SLC19A3: variants seen among roughly 807,000 people sequenced by gnomAD.
The protein encoded by SLC19A3 is solute carrier family 19 member 3, also known as thiamine transporter 2.
In SLC19A3, 31 loss-of-function variants were observed where a neutral mutation model predicts 40.2. That is an observed-to-expected ratio of 0.77 (90% CI 0.58 to 1.04). The LOEUF is 1.04. Among genes scored for constraint, SLC19A3 ranks in the 50% least tolerant of loss-of-function variants. SLC19A3 has a pLI of 0.00. For synonymous variants in SLC19A3, 212 were observed against 227.5 expected (o/e 0.93, Z 0.61); for missense variants, 592 against 596.7 (o/e 0.99, Z 0.08).
At chr2:227,716,330 A>C (rs1696335015) in intron 1 of SLC19A3, among the ~76,000 whole-genome samples, 1 of 152,020 alleles carries the variant, frequency 6.6e-6, no homozygotes, top group African/African-American at 2.4e-5. Flanking sequence ...TTCTTCTTTG[A>C]TCTGGCTACT....
chr2:227,687,342 C>A lies in SLC19A3; in HGVS notation c.*55G>T. On this transcript the variant is annotated 3_prime_UTR_variant, in exon 6 of 6. Coordinates refer to ENST00000644224, the MANE Select transcript of SLC19A3 (RefSeq NM_025243.4). The stretch of plus-strand genomic sequence containing the variant: ...AAACATATGCCACCCATCTCAAAAT[C>A]TTTCCTTATTATTGCATAACTTTGA... 1 of 1,536,474 alleles carries A rather than the reference C, an allele frequency of 6.5e-7. No individual in the cohort carries two copies. The highest frequency in any genetic ancestry group is 1.2e-5 in the South Asian group (1 of 81,346).
chr2:227,687,504 AG>A lies in SLC19A3; in HGVS notation c.1383del (p.Tyr462ThrfsTer51), dbSNP rs1239156852. 1 of 1,613,998 alleles carries A rather than the reference AG, an allele frequency of 6.2e-7. No homozygotes were observed. ...GIFLMRSMYI[T>X]YSTKSQKDVQ... ...ACATCCTTCTGGGATTTGGTTGAGT[AG>A]GTAATATACATGCTTCTCATTAGGA... On this transcript the variant is annotated frameshift_variant, in exon 6 of 6. Transcript: ENST00000644224. LOFTEE classifies it low-confidence loss of function (END_TRUNC).
In SLC19A3 at chr2:227,686,261, A is replaced by G. The variant is rs1403943656; in HGVS notation, c.*1136T>C. On this transcript the variant is annotated 3_prime_UTR_variant, in exon 6 of 6. Coordinates refer to ENST00000644224, the MANE Select transcript of SLC19A3 (RefSeq NM_025243.4). ...CCCCCATCAGTGTTTTCTTATTTCT[A>G]ATACTTCTAGAAACCTCCTTTAAGT... 1 of 346,554 alleles carries G rather than the reference A, an allele frequency of 2.9e-6. No homozygotes were observed. Among genetic ancestry groups the G allele is most frequent in the African/African-American group, 2.2e-5 (1 of 45,870 alleles). The allele number at this position is 346,554 out of a possible 1,614,324, so 21.5% of individuals were successfully genotyped here.
chr2:227,696,081 C>G lies in SLC19A3; in HGVS notation c.980G>C (p.Gly327Ala). 1 of 1,502,426 alleles carries G rather than the reference C, an allele frequency of 6.7e-7. No homozygotes were observed. The allele number at this position is 1,502,426 out of a possible 1,614,324, so 93.1% of individuals were successfully genotyped here. A position where few individuals can be genotyped will look rare whatever the true frequency, so the allele number is the denominator to read the frequency against. ...ACCCACTGCAAAGGCAGCCACAGCC[C>G]CTGAAAAAAAACATTGAAGGCAATC... The part of the protein sequence containing the change: ...GAVEAIATFG[G>A]AVAAFAVGYV... The change falls in exon 4 of 6, where the codon GGG (glycine) becomes GCG (alanine). Residue 327 changes from glycine to alanine, a missense_variant and splice_region_variant. By Grantham distance (60) the Gly-to-Ala change is moderately conservative. Transcript: ENST00000644224.
intron 3 of SLC19A3, among the ~76,000 whole-genome samples, chr2:227,698,021 G>A (rs975555208): frequency 2.0e-5 from 3 of 152,122 alleles, no homozygotes; most frequent in African/African-American, 7.2e-5. Context: ...AGAGGTTGCA[G>A]TGAGCTGAGA....
intron 4 of SLC19A3, among the ~76,000 whole-genome samples, chr2:227,690,489 T>G (rs1004330898): frequency 6.6e-6 from 1 of 151,762 alleles, no homozygotes; most frequent in East Asian, 1.9e-4. Flanking sequence ...GGGCAGATCA[T>G]GAGGTCAGGA....
intron 4 of SLC19A3, among the ~76,000 whole-genome samples, chr2:227,692,217 G>C (rs141015157): frequency 1.3e-5 from 2 of 152,084 alleles, no homozygotes; most frequent in Non-Finnish European, 2.9e-5. Context: ...TACAAGGCCA[G>C]TGTTACCCTA....
intron 1 of SLC19A3, 144 bp from the exon 2 acceptor site, chr2:227,702,464 G>T: frequency 1.3e-6 from 1 of 783,052 alleles, no homozygotes; most frequent in Non-Finnish European, 2.0e-6. Context: ...CATGATCTCA[G>T]CCCATTGCAA....
At position 227,696,040 on chromosome 2, in the gene SLC19A3, A is replaced by G; in HGVS notation, c.1021T>C (p.Trp341Arg). The change falls in exon 4 of 6, where the codon TGG becomes CGG. Residue 341 changes from tryptophan (W) to arginine (R), a missense_variant. Trp to Arg is a moderately radical substitution (Grantham distance 101, BLOSUM62 -3). Transcript: ENST00000644224. ...AGAGCCAGCTCTCCCAGAAGGTCCC[A>G]GTTGACTTTCACATAACCCACTGCA... ...AFAVGYVKVN[W>R]DLLGELALVV... is the part of the protein sequence containing the mutation. 1.9e-6 allele frequency: 3 copies of G among 1,613,958 alleles called. No individual in the cohort carries two copies. Among genetic ancestry groups the G allele is most frequent in the Non-Finnish European group, 1.7e-6 (2 of 1,180,000 alleles).
At chr2:227,696,764 C>A (rs1695453113) in intron 3 of SLC19A3, among the ~76,000 whole-genome samples, 1 of 152,216 alleles carries the variant, frequency 6.6e-6, no homozygotes. Context: ...TTCTCTTTAA[C>A]AAAGGTAAAA....
At chr2:227,695,621 C>G (rs557796681) in intron 4 of SLC19A3, 128 of 433,532 alleles carry the variant, frequency 3.0e-4, no homozygotes, top group Non-Finnish European at 4.7e-4. Flanking sequence ...CAAAATAAAA[C>G]AAAAAGAAAA....
intron 1 of SLC19A3, among the ~76,000 whole-genome samples, chr2:227,709,997 T>C (rs1162692269): frequency 6.6e-6 from 1 of 152,120 alleles, no homozygotes; most frequent in African/African-American, 2.4e-5. Context: ...TCATCAGGCA[T>C]TAGATTCTCA....
At chr2:227,688,025 G>A in intron 5 of SLC19A3, 141 bp downstream of exon 5, 1 of 922,844 alleles carries the variant, frequency 1.1e-6, no homozygotes, top group South Asian at 1.4e-5. Context: ...AACCTACTTG[G>A]TGTGTTATAA....
Position 227,686,341 on chromosome 2 carries a change from G to C in SLC19A3, c.*1056C>G, listed in dbSNP as rs930587284. ...TGCTCTTTTTTGGGAGGAGGGGGAT[G>C]AGAGTCTTACTCTGTTGCCCAGGCT... is the stretch of plus-strand genomic sequence containing the variant. On this transcript the variant is annotated 3_prime_UTR_variant, in exon 6 of 6. Transcript: ENST00000644224. The C allele has an allele frequency of 3.5e-6, 1 of 287,010 alleles. No individual in the cohort carries two copies. Among genetic ancestry groups the C allele is most frequent in the Admixed American group, 4.6e-5 (1 of 21,870 alleles). 17.8% of individuals were successfully genotyped at this position (287,010 alleles called of 1,614,324 possible). A position where few individuals can be genotyped will look rare whatever the true frequency, so the allele number is the denominator to read the frequency against.
chr2:227,685,921 G>T lies in SLC19A3; in HGVS notation c.*1476C>A. ...TTTAAAAATCAGGTGTTTTGGCCAG[G>T]CATGGTGGCTCACGCCTGTAATCTC... On this transcript the variant is annotated 3_prime_UTR_variant, in exon 6 of 6. Transcript: ENST00000644224. 1 of 165,474 alleles carries T rather than the reference G, an allele frequency of 6.0e-6. No homozygotes were observed. Among genetic ancestry groups the T allele is most frequent in the Non-Finnish European group, 1.3e-5 (1 of 75,388 alleles). The allele number at this position is 165,474 out of a possible 1,614,324, so 10.3% of individuals were successfully genotyped here.
rs1223414788 is a variant in SLC19A3, at chr2:227,685,468, C to A, written c.*1929G>T. On this transcript the variant is annotated 3_prime_UTR_variant, in exon 6 of 6. Transcript: ENST00000644224. ...CCAAACCATTCATGAAGGCTTCACA[C>A]CCATGATCCAGTCGCCTCCCAGCCG... 6.6e-6 allele frequency: 1 copy of A among 152,334 alleles called. No individual in the cohort carries two copies. The highest frequency in any genetic ancestry group is 1.5e-5 in the Non-Finnish European group (1 of 68,130). The allele number at this position is 152,334 out of a possible 1,614,324, so 9.4% of individuals were successfully genotyped here.
At chr2:227,713,855 A>G (rs769538676) in intron 1 of SLC19A3, among the ~76,000 whole-genome samples, 2 of 152,164 alleles carry the variant, frequency 1.3e-5, no homozygotes, top group Non-Finnish European at 2.9e-5. Context: ...AGTCTCAAAC[A>G]TTATCCTGTG....
chr2:227,698,751 T>C lies in SLC19A3; in HGVS notation c.964A>G (p.Ile322Val). The change falls in exon 3 of 6, where the codon ATT becomes GTT. Residue 322 changes from isoleucine (I) to valine (V), a missense_variant. Ile to Val is a conservative substitution (Grantham distance 29). Transcript: ENST00000644224. Reference sequence around the variant, plus strand: ...ATTTGCTTACCTCCAAAGGTTGCAATAGCTTCTACGGCCCCATTATAGATG... The same window carrying C: ...ATTTGCTTACCTCCAAAGGTTGCAACAGCTTCTACGGCCCCATTATAGATG... ...SSIYNGAVEA[I>V]ATFGGAVAAF... The C allele has an allele frequency of 1.8e-5, 29 of 1,613,734 alleles. No homozygotes were observed. The highest frequency in any genetic ancestry group is 2.4e-5 in the Non-Finnish European group (28 of 1,179,986).
intron 1 of SLC19A3, 59 bp from the exon 2 acceptor site, chr2:227,702,379 A>C: frequency 1.3e-6 from 2 of 1,538,064 alleles, no homozygotes; most frequent in Non-Finnish European, 1.8e-6. Context: ...AGCATCCTTG[A>C]TGCGATGAAA....
Sources: gnomAD v4.1 joint callset for allele counts (sites outside exome capture counted in the v4.1 genomes callset) on GRCh38, gnomAD v4.1.1 for gene constraint, MANE v1.5 for transcripts, NCBI Gene and HGNC (gene_info 2026-07-23, HGNC 2026-07-21) for gene names.